Variants in KIF5B observed in about 807,000 individuals in gnomAD.
KIF5B encodes kinesin-1 heavy chain.
KIF5B carries 49 observed loss-of-function variants against 132.8 expected under a neutral mutation model. The ratio of observed to expected loss-of-function variants is 0.37; its 90% confidence interval spans 0.29 to 0.47. The LOEUF (loss-of-function observed/expected upper bound fraction) is 0.47. Ranked by LOEUF, KIF5B falls within the 20% of genes least tolerant of loss-of-function variation. The pLI is 1.00. For missense variants in KIF5B, 780 were observed against 1,144.0 expected (o/e 0.68, Z 4.59); for synonymous variants, 355 against 369.4 (o/e 0.96, Z 0.45).
chr10:32,023,316 C>T (rs1379489722), intron 15 of KIF5B, among the ~76,000 whole-genome samples: 1 of 151,962 alleles, frequency 6.6e-6, no homozygotes, highest in Non-Finnish European at 1.5e-5. Flanking sequence ...AAAAATACAA[C>T]CAAACTAATA....
chr10:32,016,666 C>G (rs1294162632), intron 24 of KIF5B, among the ~76,000 whole-genome samples: 1 of 151,982 alleles, frequency 6.6e-6, no homozygotes, highest in East Asian at 2.0e-4. Flanking sequence ...CTCAGCCTCC[C>G]AAGTTGCTGG....
In KIF5B at chr10:32,018,054, G is replaced by A. The variant is rs1841199613; in HGVS notation, c.2542C>T (p.Gln848Ter). 3.2e-6 allele frequency: 5 copies of A among 1,571,664 alleles called. No individual in the cohort carries two copies. The highest frequency in any genetic ancestry group is 4.4e-6 in the Non-Finnish European group (5 of 1,145,800). The part of the protein sequence containing the change: ...NLEQLTKVHK[Q>*]LVRDNADLRC... ...CCAGAAAATATACTCTTTAGTACCT[G>A]TTTGTGCACTTTAGTGAGCTGTTCA... Residue 848 changes from glutamine to a stop codon, truncating the protein, a stop_gained and splice_region_variant, in exon 23 of 26, where the codon CAG becomes TAG. Transcript: ENST00000302418. LOFTEE classifies it high-confidence loss of function.
Position 32,011,039 on chromosome 10 carries a change from T to C in KIF5B, c.*498A>G, listed in dbSNP as rs895354606. On this transcript the variant is annotated 3_prime_UTR_variant, in exon 26 of 26. Transcript: ENST00000302418. ...TATATTTTATGGGCATGTAGTGTTG[T>C]TAAGTGGTAAAATTTAAAGACATTT... 1 of 152,174 alleles carries C rather than the reference T, an allele frequency of 6.6e-6. No homozygotes were observed. Among genetic ancestry groups the C allele is most frequent in the Non-Finnish European group, 1.5e-5 (1 of 68,006 alleles). 9.4% of individuals were successfully genotyped at this position (152,174 alleles called of 1,614,324 possible).
chr10:32,044,587 G>A (rs1841585376), intron 2 of KIF5B, among the ~76,000 whole-genome samples: 1 of 152,190 alleles, frequency 6.6e-6, no homozygotes, highest in Admixed American at 6.5e-5. Context: ...CAGGAGAATT[G>A]CTTGAACCCG....
At chr10:32,024,795 G>A (rs1042213791) in intron 15 of KIF5B, among the ~76,000 whole-genome samples, 4 of 149,502 alleles carry the variant, frequency 2.7e-5, no homozygotes, top group African/African-American at 4.9e-5. Flanking sequence ...TCAACAACAG[G>A]GCCAGGCGCA....
chr10:32,046,327 G>C (rs1003413557), intron 2 of KIF5B, among the ~76,000 whole-genome samples: 14 of 152,072 alleles, frequency 9.2e-5, no homozygotes, highest in Non-Finnish European at 1.8e-4. Flanking sequence ...TTCTATGATC[G>C]ATCCCTCTGG....
intron 25 of KIF5B, among the ~76,000 whole-genome samples, chr10:32,014,737 T>C (rs1340100670): frequency 6.6e-6 from 1 of 152,190 alleles, no homozygotes; most frequent in Non-Finnish European, 1.5e-5. Context: ...TGTGTTAATA[T>C]GTAGCAAGAG....
intron 15 of KIF5B, among the ~76,000 whole-genome samples, chr10:32,026,865 C>T (rs1279241702): frequency 6.6e-6 from 1 of 152,058 alleles, no homozygotes; most frequent in Non-Finnish European, 1.5e-5. Context: ...CAGAATAGGG[C>T]CGAAATGTTC....
intron 1 of KIF5B, among the ~76,000 whole-genome samples, chr10:32,055,518 GCACACACACA>G (rs61091883): frequency 6.7e-6 from 1 of 150,128 alleles, no homozygotes; most frequent in African/African-American, 2.4e-5. Context: ...ATCCGTAATT[GCACACACACA>G]CACACACACA....
At chr10:32,028,182 A>T (rs1355637635) in intron 15 of KIF5B, among the ~76,000 whole-genome samples, 1 of 151,952 alleles carries the variant, frequency 6.6e-6, no homozygotes, top group Non-Finnish European at 1.5e-5. Context: ...CAGGTTGGGG[A>T]AAATGTTATA....
intron 1 of KIF5B, among the ~76,000 whole-genome samples, chr10:32,052,161 T>A (rs1188817607): frequency 6.6e-6 from 1 of 152,176 alleles, no homozygotes; most frequent in East Asian, 1.9e-4. Context: ...AGGACACCCT[T>A]CTGGCAGGGA....
intron 11 of KIF5B, among the ~76,000 whole-genome samples, 170 bp downstream of exon 11, chr10:32,034,520 T>C (rs1274922304): frequency 1.3e-5 from 2 of 152,240 alleles, no homozygotes; most frequent in Non-Finnish European, 2.9e-5. Flanking sequence ...TGCATTTTGC[T>C]CATTTTATTT....
intron 11 of KIF5B, 53 bp from the exon 12 acceptor site, chr10:32,034,091 T>A: frequency 8.9e-7 from 1 of 1,126,360 alleles, no homozygotes; most frequent in Non-Finnish European, 1.3e-6. Flanking sequence ...AAAGCTAATT[T>A]CAATTTCATT....
intron 19 of KIF5B, among the ~76,000 whole-genome samples, chr10:32,020,290 T>C (rs1181369142): frequency 6.6e-6 from 1 of 152,134 alleles, no homozygotes; most frequent in Non-Finnish European, 1.5e-5. Context: ...CTACTCAAAT[T>C]GTTGCAAACT....
chr10:32,011,963 AAG>A (rs1315741624), intron 25 of KIF5B, among the ~76,000 whole-genome samples: 1 of 152,186 alleles, frequency 6.6e-6, no homozygotes, highest in African/African-American at 2.4e-5. Flanking sequence ...AGGGATAAAC[AAG>A]AGGTGTATAC....
At chr10:32,044,419 C>G (rs1374976742) in intron 2 of KIF5B, among the ~76,000 whole-genome samples, 3 of 152,136 alleles carry the variant, frequency 2.0e-5, no homozygotes, top group Non-Finnish European at 4.4e-5. Flanking sequence ...CGCCTGTGAT[C>G]CCAGCACTTT....
chr10:32,032,861 C>A, intron 12 of KIF5B, 87 bp from the exon 13 acceptor site: 1 of 926,370 alleles, frequency 1.1e-6, no homozygotes, highest in Non-Finnish European at 1.8e-6. Flanking sequence ...TACTACTCCC[C>A]AGAAATATTT....
intron 17 of KIF5B, among the ~76,000 whole-genome samples, chr10:32,021,611 C>CT (rs762168892): frequency 3.3e-5 from 5 of 151,632 alleles, no homozygotes; most frequent in Non-Finnish European, 7.4e-5. Context: ...ACACACACCC[C>CT]GCTTCGTAAC....
rs1253615134 is a variant in KIF5B at position 32,018,357 on chromosome 10, GCAGGTTGTGTAAAGT to G, written c.2383_2397del (p.Thr795_Leu799del). ...GCCAGGTCCTGAACAAAGAGTTTGC[GCAGGTTGTGTAAAGT>G]CTGAAGTTCTTTTGCCTTGGATTAA... On this transcript the variant is annotated inframe_deletion, in exon 22 of 26. Coordinates refer to ENST00000302418, the MANE Select transcript of KIF5B (RefSeq NM_004521.3). 6.6e-7 allele frequency: 1 copy of G among 1,521,600 alleles called. No homozygotes were observed. Among genetic ancestry groups the G allele is most frequent in the Non-Finnish European group, 8.8e-7 (1 of 1,139,702 alleles). 94.3% of individuals were successfully genotyped at this position (1,521,600 alleles called of 1,614,324 possible). A position where few individuals can be genotyped will look rare whatever the true frequency, so the allele number is the denominator to read the frequency against.
Sources: gnomAD v4.1 joint callset for allele counts (sites outside exome capture counted in the v4.1 genomes callset) on GRCh38, gnomAD v4.1.1 for gene constraint, MANE v1.5 for transcripts, NCBI Gene and HGNC (gene_info 2026-07-23, HGNC 2026-07-21) for gene names.